The following FRMD6 variants were observed in gnomAD, a reference collection of about 807,000 sequenced individuals.
FRMD6 encodes FERM domain-containing protein 6.
Under a neutral mutation model 73.2 loss-of-function variants are expected in FRMD6, and 37 were observed. The ratio of observed to expected loss-of-function variants is 0.51; its 90% CI spans 0.39 to 0.66. FRMD6 has a LOEUF of 0.66. FRMD6 is among the 30% of genes least tolerant of loss of function. FRMD6 has a pLI of 0.00. For synonymous variants in FRMD6, 273 were observed against 282.2 expected (o/e 0.97, Z 0.33); for missense variants, 714 against 780.5 (o/e 0.91, Z 1.02).
At chr14:51,557,115 G>T (rs896614586) in intron 1 of FRMD6, among the ~76,000 whole-genome samples, 1 of 151,390 alleles carries the variant, frequency 6.6e-6, no homozygotes, top group Admixed American at 6.6e-5. Context: ...GTGAGACCCT[G>T]TCTGAAAAGA....
At position 51,599,058 on chromosome 14, in the gene FRMD6, C is replaced by CTTTTTTTTTTTTT. The variant is rs59151771; in HGVS notation, c.-147+28663_-147+28675dup. Among the ~76,000 whole-genome samples the CTTTTTTTTTTTTT allele has an allele frequency of 4.3e-3, 315 of 72,814 alleles. 11 individuals carry two copies. Among genetic ancestry groups the CTTTTTTTTTTTTT allele is most frequent in the Non-Finnish European group, 5.3e-3 (213 of 39,962 alleles). The allele number at this position is 72,814 out of a possible 152,430, so 47.8% of individuals were successfully genotyped here. A position where few individuals can be genotyped will look rare whatever the true frequency, so the allele number is the denominator to read the frequency against. The stretch of plus-strand genomic sequence containing the variant: ...TCTCAGCAGCCTTGCCAGTATCTGT[C>CTTTTTTTTTTTTT]TTTTTTTTTTTTTTTTTTTTTTTTT... On this transcript the variant is annotated intron_variant, in intron 2 of 14. Coordinates refer to the FRMD6 transcript ENST00000356218.
At chr14:51,715,146 C>T in intron 9 of FRMD6, 179 bp from the exon 10 acceptor site, 1 of 481,634 alleles carries the variant, frequency 2.1e-6, no homozygotes, top group Non-Finnish European at 3.5e-6. Context: ...AATTTCTGGT[C>T]ATCCCCTGTC....
rs528077127 is a variant in FRMD6, at chr14:51,536,632, G to A, written c.-209-33716G>A. On this transcript the variant is annotated intron_variant, in intron 1 of 14. Transcript: ENST00000356218. ...AGATTTCACCATGTTGGCCAGGCTG[G>A]TCTCGAACTCCTGACCTCAAGTGAT... Among the ~76,000 whole-genome samples, 83 of 151,708 alleles carry A rather than the reference G, an allele frequency of 5.5e-4. 1 individual carries two copies. Among genetic ancestry groups the A allele is most frequent in the Middle Eastern group, 3.4e-3 (1 of 292 alleles).
the FRMD6 span, among the ~76,000 whole-genome samples, chr14:51,451,540 AT>A: frequency 5.3e-5 from 8 of 151,840 alleles, no homozygotes; most frequent in African/African-American, 1.7e-4. Context: ...TGCCTGGGTA[AT>A]TTTTTTTGTA....
At chr14:51,668,676 T>C (rs191608683) in intron 1 of FRMD6, among the ~76,000 whole-genome samples, 114 of 151,980 alleles carry the variant, frequency 7.5e-4, no homozygotes, top group African/African-American at 2.7e-3. Flanking sequence ...CTGGTGTTTT[T>C]GTTGTTTTGA....
At chr14:51,401,134 A>C in the FRMD6 span, among the ~76,000 whole-genome samples, 1 of 152,236 alleles carries the variant, frequency 6.6e-6, no homozygotes, top group Non-Finnish European at 1.5e-5. Flanking sequence ...TTTAATAGGC[A>C]GTCTAATTAA....
At chr14:51,529,772 C>T (rs1224098115) in intron 1 of FRMD6, among the ~76,000 whole-genome samples, 1 of 152,204 alleles carries the variant, frequency 6.6e-6, no homozygotes, top group Non-Finnish European at 1.5e-5. Flanking sequence ...CCCACACAGC[C>T]ATTTTTACCC....
intron 1 of FRMD6, among the ~76,000 whole-genome samples, chr14:51,565,977 A>C (rs544774614): frequency 6.6e-6 from 1 of 152,306 alleles, no homozygotes; most frequent in Non-Finnish European, 1.5e-5. Context: ...ATCCTGGCTA[A>C]CATGGTGAAA....
the FRMD6 span, among the ~76,000 whole-genome samples, chr14:51,403,883 T>C: frequency 6.6e-6 from 1 of 152,312 alleles, no homozygotes; most frequent in South Asian, 2.1e-4. Context: ...ACAGTGCAGG[T>C]ACAAATATTC....
chr14:51,425,049 C>G, the FRMD6 span, among the ~76,000 whole-genome samples: 4 of 152,304 alleles, frequency 2.6e-5, no homozygotes, highest in Non-Finnish European at 4.4e-5. Flanking sequence ...ACCACCAGGG[C>G]CATTGCATCC....
intron 2 of FRMD6, among the ~76,000 whole-genome samples, chr14:51,629,335 C>A (rs1277797200): frequency 6.6e-6 from 1 of 152,204 alleles, no homozygotes; most frequent in Non-Finnish European, 1.5e-5. Flanking sequence ...TATGAACATT[C>A]ACATACATGT....
rs562023863 is a variant in FRMD6, at chr14:51,704,890, G to A, written c.513G>A (p.Lys171=). 2 of 1,613,154 alleles carry A rather than the reference G, an allele frequency of 1.2e-6. No individual in the cohort carries two copies. Among genetic ancestry groups the A allele is most frequent in the Admixed American group, 1.7e-5 (1 of 59,902 alleles). The part of the protein sequence containing the change: ...QADLGNFKRN[K]HYGKYFEPEA... ...ATCTTGGGAACTTCAAAAGGAATAA[G>A]CACTATGGAAAATACTTCGAGCCAG... is the stretch of plus-strand genomic sequence containing the variant. The change falls in exon 6 of 14, where the codon AAG becomes AAA. Residue 171 remains lysine, a synonymous_variant. Transcript: ENST00000344768.
chr14:51,414,536 A>G, the FRMD6 span, among the ~76,000 whole-genome samples: 3 of 152,196 alleles, frequency 2.0e-5, no homozygotes, highest in East Asian at 5.8e-4. Context: ...TACCAGTACC[A>G]CGCTGTTTTG....
At chr14:51,630,706 C>T (rs1891304292) in intron 2 of FRMD6, among the ~76,000 whole-genome samples, 1 of 152,028 alleles carries the variant, frequency 6.6e-6, no homozygotes, top group South Asian at 2.1e-4. Flanking sequence ...ATGACTGCAC[C>T]ACTGCACTCC....
At chr14:51,614,854 T>C (rs916094680) in intron 2 of FRMD6, among the ~76,000 whole-genome samples, 1 of 152,200 alleles carries the variant, frequency 6.6e-6, no homozygotes, top group East Asian at 1.9e-4. Flanking sequence ...CCAATGCCTC[T>C]AAATCAAGGG....
chr14:51,512,165 C>A (rs1884348070), intron 1 of FRMD6, among the ~76,000 whole-genome samples: 1 of 152,082 alleles, frequency 6.6e-6, no homozygotes, highest in Non-Finnish European at 1.5e-5. Flanking sequence ...ACTTCTTTAT[C>A]TTTAAAGGGT....
intron 1 of FRMD6, among the ~76,000 whole-genome samples, chr14:51,680,046 A>G (rs1387480481): frequency 1.3e-5 from 2 of 152,218 alleles, no homozygotes; most frequent in Non-Finnish European, 2.9e-5. Flanking sequence ...GGTTGAGTTA[A>G]CAAAGAACAA....
intron 1 of FRMD6, among the ~76,000 whole-genome samples, chr14:51,544,009 A>T (rs1008553964): frequency 2.6e-5 from 4 of 151,996 alleles, no homozygotes; most frequent in East Asian, 1.9e-4. Context: ...AGTTTCAAAC[A>T]TATAAAAAAT....
chr14:51,502,938 A>C (rs763379239), intron 1 of FRMD6, among the ~76,000 whole-genome samples: 3 of 151,904 alleles, frequency 2.0e-5, no homozygotes, highest in Non-Finnish European at 4.4e-5. Flanking sequence ...ATTCCTAGGT[A>C]TTTTATTCTC....
Sources: gnomAD v4.1 joint callset for allele counts (sites outside exome capture counted in the v4.1 genomes callset) on GRCh38, gnomAD v4.1.1 for gene constraint, MANE v1.5 for transcripts, NCBI Gene and HGNC (gene_info 2026-07-23, HGNC 2026-07-21) for gene names.